ADAMTS3: variants seen among roughly 807,000 people sequenced by gnomAD.
The protein encoded by ADAMTS3 is A disintegrin and metalloproteinase with thrombospondin motifs 3.
A neutral mutation model predicts 129.0 loss-of-function variants in ADAMTS3; 73 were observed. That is an observed-to-expected ratio of 0.57 (90% CI 0.47 to 0.69). ADAMTS3 has a LOEUF of 0.69. ADAMTS3 is among the 30% of genes least tolerant of loss of function. The pLI is 0.00. For missense variants in ADAMTS3, 1,457 were observed against 1,514.5 expected (o/e 0.96, Z 0.63); for synonymous variants, 477 against 510.8 (o/e 0.93, Z 0.89).
chr4:72,386,316 T>TTA (rs966509579), intron 4 of ADAMTS3, among the ~76,000 whole-genome samples: 3 of 152,148 alleles, frequency 2.0e-5, no homozygotes, highest in South Asian at 2.1e-4. Context: ...CGACATGTGT[T>TTA]TATATATATA....
intron 16 of ADAMTS3, among the ~76,000 whole-genome samples, chr4:72,305,210 G>A (rs1004731339): frequency 6.6e-5 from 10 of 151,814 alleles, no homozygotes. Context: ...ACATTTCCAT[G>A]TAATCGTCTC....
At chr4:72,567,530 G>A (rs1473810433) in intron 1 of ADAMTS3, 129 bp from the exon 2 acceptor site, 5 of 884,902 alleles carry the variant, frequency 5.7e-6, no homozygotes, top group African/African-American at 1.7e-5. Flanking sequence ...ACTGGGATTG[G>A]TGCCTAAAGC....
chr4:72,341,274 A>G (rs941712001), intron 4 of ADAMTS3, among the ~76,000 whole-genome samples: 19 of 152,168 alleles, frequency 1.2e-4, no homozygotes, highest in African/African-American at 4.6e-4. Context: ...GTGACTACTC[A>G]GGTTTAAAAG....
intron 4 of ADAMTS3, among the ~76,000 whole-genome samples, chr4:72,408,471 A>C (rs1722105011): frequency 6.6e-6 from 1 of 152,154 alleles, no homozygotes; most frequent in African/African-American, 2.4e-5. Flanking sequence ...TCATAAATAA[A>C]TATTATGTTT....
chr4:72,333,405 C>A (rs1418938326), intron 5 of ADAMTS3, among the ~76,000 whole-genome samples: 1 of 152,128 alleles, frequency 6.6e-6, no homozygotes, highest in Non-Finnish European at 1.5e-5. Flanking sequence ...TTTCCCTCAG[C>A]CCATGGATTC....
intron 16 of ADAMTS3, 95 bp downstream of exon 16, chr4:72,305,892 A>G (rs553234053): frequency 9.7e-7 from 1 of 1,027,692 alleles, no homozygotes; most frequent in African/African-American, 1.6e-5. Flanking sequence ...ATGCACATAT[A>G]TGTGTACATA....
chr4:72,471,036 T>C (rs1421297071), intron 3 of ADAMTS3, among the ~76,000 whole-genome samples: 4 of 152,176 alleles, frequency 2.6e-5, no homozygotes, highest in Non-Finnish European at 4.4e-5. Flanking sequence ...GAGCCGTTTT[T>C]TCATGGAACA....
intron 4 of ADAMTS3, among the ~76,000 whole-genome samples, chr4:72,343,232 T>C (rs1720186205): frequency 6.6e-6 from 1 of 152,130 alleles, no homozygotes; most frequent in African/African-American, 2.4e-5. Flanking sequence ...TTACTGTACA[T>C]GTGGCTGGCA....
intron 4 of ADAMTS3, among the ~76,000 whole-genome samples, chr4:72,406,838 A>G (rs996661113): frequency 4.6e-5 from 7 of 152,134 alleles, no homozygotes; most frequent in African/African-American, 1.7e-4. Context: ...TAGTCCCAAT[A>G]TGTTTCAGAG....
intron 2 of ADAMTS3, among the ~76,000 whole-genome samples, chr4:72,560,645 T>C (rs1197482511): frequency 6.6e-6 from 1 of 151,770 alleles, no homozygotes. Flanking sequence ...TGAGAACACA[T>C]GGACACAGGG....
chr4:72,540,972 G>C (rs1477233479), intron 3 of ADAMTS3, among the ~76,000 whole-genome samples: 1 of 152,230 alleles, frequency 6.6e-6, no homozygotes, highest in Non-Finnish European at 1.5e-5. Context: ...CCCTACTGGA[G>C]TACCACCTAG....
At chr4:72,315,817 A>G in intron 11 of ADAMTS3, 41 bp downstream of exon 11, 1 of 1,305,648 alleles carries the variant, frequency 7.7e-7, no homozygotes, top group South Asian at 1.3e-5. Context: ...ATAATTATGC[A>G]ACATATCTTA....
chr4:72,529,638 T>C (rs112193537), intron 3 of ADAMTS3, among the ~76,000 whole-genome samples: 1 of 132,334 alleles, frequency 7.6e-6, no homozygotes, highest in African/African-American at 2.8e-5. Flanking sequence ...TAATATTATA[T>C]ATAATACATT....
At chr4:72,465,429 C>T (rs937172378) in intron 3 of ADAMTS3, among the ~76,000 whole-genome samples, 1 of 151,968 alleles carries the variant, frequency 6.6e-6, no homozygotes, top group Non-Finnish European at 1.5e-5. Context: ...GATGATGGTA[C>T]AAAGTTTGGC....
rs539517096 is a variant in ADAMTS3 at position 72,457,758 on chromosome 4, G to T, written c.505-42787C>A. On this transcript the variant is annotated intron_variant, in intron 3 of 21. Coordinates refer to ENST00000286657, the MANE Select transcript of ADAMTS3 (RefSeq NM_014243.3). ...TTTACTACATGATACTGTCTTCTTA[G>T]AATTATGAAAGACTGATTCAAAACA... Among the ~76,000 whole-genome samples, 18 of 151,720 alleles carry T rather than the reference G, an allele frequency of 1.2e-4. No individual in the cohort carries two copies. The East Asian group carries it at 3.1e-3, about 26-fold the overall frequency.
intron 13 of ADAMTS3, among the ~76,000 whole-genome samples, chr4:72,311,511 A>G (rs1340558127): frequency 2.0e-5 from 3 of 152,200 alleles, no homozygotes; most frequent in African/African-American, 7.2e-5. Flanking sequence ...AAACCAGTTT[A>G]GTTTTCGTAA....
chr4:72,323,748 A>T (rs1459535353), intron 5 of ADAMTS3, among the ~76,000 whole-genome samples: 10 of 152,200 alleles, frequency 6.6e-5, no homozygotes, highest in Non-Finnish European at 1.0e-4. Context: ...AATTTGAGTC[A>T]CTGCTTTTTA....
chr4:72,510,064 C>A, intron 3 of ADAMTS3, among the ~76,000 whole-genome samples: 1 of 112,982 alleles, frequency 8.9e-6, no homozygotes. Context: ...AATTCAATGT[C>A]CCTTCATGAT....
chr4:72,459,621 C>T (rs919004074), intron 3 of ADAMTS3, among the ~76,000 whole-genome samples: 4 of 151,320 alleles, frequency 2.6e-5, no homozygotes, highest in Admixed American at 2.0e-4. Context: ...GTACTTTGTA[C>T]ATATAAAAAT....
Sources: allele counts gnomAD v4.1 joint callset (sites outside exome capture counted in the v4.1 genomes callset), GRCh38; gene constraint gnomAD v4.1.1; transcripts MANE v1.5; gene names NCBI Gene and HGNC (gene_info 2026-07-23, HGNC 2026-07-21).